Variants in TCERG1L observed in about 807,000 individuals in gnomAD.
The protein encoded by TCERG1L is transcription elongation regulator 1-like protein.
Under a neutral mutation model 56.3 loss-of-function variants are expected in TCERG1L, and 37 were observed. The ratio of observed to expected loss-of-function variants is 0.66; its 90% CI spans 0.51 to 0.87. The LOEUF (loss-of-function observed/expected upper bound fraction) is 0.87, where lower values mean the gene tolerates loss of function less well. Ranked by LOEUF, TCERG1L falls within the 40% of genes least tolerant of loss-of-function variation. The pLI, the probability that TCERG1L is intolerant of heterozygous loss-of-function variation, is 0.00. For synonymous variants in TCERG1L, 324 were observed against 326.3 expected (o/e 0.99, Z 0.08); for missense variants, 799 against 774.2 (o/e 1.03, Z -0.38).
At chr10:131,130,787 C>T (rs1845610104) in intron 8 of TCERG1L, among the ~76,000 whole-genome samples, 1 of 151,994 alleles carries the variant, frequency 6.6e-6, no homozygotes, top group South Asian at 2.1e-4. Context: ...AAACTGACTC[C>T]CCCACTGATC....
At chr10:131,181,810 A>C (rs1845179414) in intron 4 of TCERG1L, among the ~76,000 whole-genome samples, 1 of 152,206 alleles carries the variant, frequency 6.6e-6, no homozygotes, top group Non-Finnish European at 1.5e-5. Context: ...GGGGCATTCC[A>C]AAAACTCGTG....
chr10:131,260,142 C>T lies in TCERG1L; in HGVS notation c.856+117G>A, dbSNP rs113016550. ...GGCCCCAGCCGAATGTTTCCCTCAA[C>T]CGGAGCCGGGCTTCAGGTCCCACAG... On this transcript the variant is annotated intron_variant, in intron 4 of 11. Transcript: ENST00000368642. The surrounding 1 kb of genome is among the most constrained non-coding windows in gnomAD (Gnocchi z 5.8). The T allele has an allele frequency of 3.1e-3, 3,770 of 1,235,688 alleles. 87 individuals carry two copies. In the African/African-American group the frequency reaches 0.049, roughly 16 times the overall value. 76.5% of individuals were successfully genotyped at this position (1,235,688 alleles called of 1,614,324 possible).
At chr10:131,249,290 A>G (rs1218927342) in intron 4 of TCERG1L, among the ~76,000 whole-genome samples, 1 of 152,242 alleles carries the variant, frequency 6.6e-6, no homozygotes, top group Non-Finnish European at 1.5e-5. Context: ...GAAGAAAAAT[A>G]AAGGGAATAC....
At chr10:131,221,251 C>T (rs1845728919) in intron 4 of TCERG1L, among the ~76,000 whole-genome samples, 1 of 152,204 alleles carries the variant, frequency 6.6e-6, no homozygotes, top group South Asian at 2.1e-4. Context: ...GGTGGGAGGC[C>T]CCTGGCCGTC....
chr10:131,246,707 G>A (rs948078599), intron 4 of TCERG1L, among the ~76,000 whole-genome samples: 3 of 151,294 alleles, frequency 2.0e-5, no homozygotes, highest in Non-Finnish European at 2.9e-5. Flanking sequence ...GCAGAAGTCC[G>A]TAGCAAAGGA....
At chr10:131,141,565 T>A (rs11017744) in intron 7 of TCERG1L, among the ~76,000 whole-genome samples, 1 of 152,036 alleles carries the variant, frequency 6.6e-6, no homozygotes, top group African/African-American at 2.4e-5. Flanking sequence ...AATAAAGGAT[T>A]GGTTCAGAAG....
Position 131,143,966 on chromosome 10 carries a change from C to T in TCERG1L, c.1189+2540G>A, listed in dbSNP as rs1056580178. ...CTTTCCTTATCTGTGGAATGACGAA[C>T]GTCTCAGCACTTCTGGAGGCGCTGC... is the stretch of plus-strand genomic sequence containing the variant. On this transcript the variant is annotated intron_variant, in intron 7 of 11. Coordinates refer to ENST00000368642, the MANE Select transcript of TCERG1L (RefSeq NM_174937.4). Among the ~76,000 whole-genome samples the T allele has an allele frequency of 3.9e-5, 6 of 152,296 alleles. No homozygotes were observed. The East Asian group carries it at 1.2e-3, about 29-fold the overall frequency.
chr10:131,272,514 T>C (rs146056009), intron 3 of TCERG1L, among the ~76,000 whole-genome samples: 43 of 152,328 alleles, frequency 2.8e-4, no homozygotes, highest in African/African-American at 1.0e-3. Context: ...TGTTTGAGTA[T>C]CTGGCTCTTG....
rs568616697 is a variant in TCERG1L at position 131,179,687 on chromosome 10, T to C, written c.857-12802A>G. Among the ~76,000 whole-genome samples, 4 of 152,320 alleles carry C rather than the reference T, an allele frequency of 2.6e-5. 1 individual carries two copies. The highest frequency in any genetic ancestry group is 9.6e-5 in the African/African-American group (4 of 41,584). ...CCTTGTGGTTTTGTTTTGAGGTCAATGAAAACATTGCTCTCCAGAGCCAAG... is the reference window on the plus strand; with the variant it reads ...CCTTGTGGTTTTGTTTTGAGGTCAACGAAAACATTGCTCTCCAGAGCCAAG... On this transcript the variant is annotated intron_variant, in intron 4 of 11. Coordinates refer to ENST00000368642, the MANE Select transcript of TCERG1L (RefSeq NM_174937.4).
intron 3 of TCERG1L, among the ~76,000 whole-genome samples, chr10:131,284,051 C>T (rs1846493664): frequency 6.6e-6 from 1 of 150,930 alleles, no homozygotes; most frequent in Non-Finnish European, 1.5e-5. Flanking sequence ...CACTTGAACC[C>T]AGGGGGCGAG....
At chr10:131,190,148 C>T (rs866396828) in intron 4 of TCERG1L, among the ~76,000 whole-genome samples, 4 of 152,134 alleles carry the variant, frequency 2.6e-5, no homozygotes, top group African/African-American at 9.7e-5. Flanking sequence ...ATAAACATCT[C>T]TATATGCGCC....
chr10:131,100,870 C>T (rs1388801392), intron 10 of TCERG1L, among the ~76,000 whole-genome samples: 6 of 152,200 alleles, frequency 3.9e-5, no homozygotes, highest in Non-Finnish European at 8.8e-5. Context: ...ATTCCTCATA[C>T]GAGCTGCCAT....
intron 6 of TCERG1L, among the ~76,000 whole-genome samples, chr10:131,152,905 T>G: frequency 6.6e-6 from 1 of 152,124 alleles, no homozygotes; most frequent in Non-Finnish European, 1.5e-5. Flanking sequence ...TCAGATCTCA[T>G]GAGAACTCAC....
At chr10:131,242,989 G>C (rs1176524100) in intron 4 of TCERG1L, among the ~76,000 whole-genome samples, 1 of 152,194 alleles carries the variant, frequency 6.6e-6, no homozygotes, top group African/African-American at 2.4e-5. Flanking sequence ...TTATAAAAAA[G>C]AAGGTCACCA....
intron 3 of TCERG1L, among the ~76,000 whole-genome samples, chr10:131,301,151 G>T (rs1296613990): frequency 6.6e-6 from 1 of 151,962 alleles, no homozygotes; most frequent in Non-Finnish European, 1.5e-5. Context: ...CTTGCAACTG[G>T]ATAGTGGGAA....
chr10:131,175,864 T>C (rs569595235), intron 4 of TCERG1L, among the ~76,000 whole-genome samples: 2 of 152,108 alleles, frequency 1.3e-5, no homozygotes, highest in East Asian at 3.9e-4. Flanking sequence ...GGGATTGAGA[T>C]AGAGGTGCAG....
At chr10:131,138,613 TA>T (rs1845699879) in intron 7 of TCERG1L, among the ~76,000 whole-genome samples, 1 of 152,214 alleles carries the variant, frequency 6.6e-6, no homozygotes, top group Admixed American at 6.5e-5. Context: ...AGTCCATGTG[TA>T]AAAATTAATG....
chr10:131,131,342 G>C (rs1845616204), intron 8 of TCERG1L, among the ~76,000 whole-genome samples: 1 of 152,150 alleles, frequency 6.6e-6, no homozygotes, highest in Admixed American at 6.5e-5. Flanking sequence ...AAAGTCAGAA[G>C]ACCAAAGATC....
chr10:131,174,906 T>TA (rs2133444238), intron 4 of TCERG1L, among the ~76,000 whole-genome samples: 1 of 110,816 alleles, frequency 9.0e-6, no homozygotes, highest in African/African-American at 3.4e-5. Context: ...CTCACCCTGT[T>TA]ACCTGAACCC....
Sources: allele counts gnomAD v4.1 joint callset (sites outside exome capture counted in the v4.1 genomes callset), GRCh38; gene constraint gnomAD v4.1.1; non-coding constraint Gnocchi (gnomAD v3.1); transcripts MANE v1.5; gene names NCBI Gene and HGNC (gene_info 2026-07-23, HGNC 2026-07-21).